Variants in SLC2A13 observed in about 807,000 individuals in gnomAD.
SLC2A13 encodes solute carrier family 2 member 13, also known as proton myo-inositol cotransporter.
In SLC2A13, 32 loss-of-function variants were observed where a neutral mutation model predicts 64.4. That is an observed-to-expected ratio of 0.50 (90% CI 0.37 to 0.67). SLC2A13 has a LOEUF of 0.67. Ranked by LOEUF, SLC2A13 falls within the 30% of genes least tolerant of loss-of-function variation. The probability of loss-of-function intolerance (pLI) is 0.00; values close to 1 mark genes in which losing one functional copy is unlikely to be tolerated. For synonymous variants in SLC2A13, 338 were observed against 327.1 expected (o/e 1.03, Z -0.36); for missense variants, 743 against 829.2 (o/e 0.90, Z 1.28).
chr12:39,770,229 A>G (rs1359899262), intron 7 of SLC2A13, among the ~76,000 whole-genome samples: 1 of 152,004 alleles, frequency 6.6e-6, no homozygotes, highest in African/African-American at 2.4e-5. Context: ...GCTCCTCAAT[A>G]GTTTATTCTG....
chr12:39,798,206 C>T (rs1264759401), intron 7 of SLC2A13, among the ~76,000 whole-genome samples: 1 of 152,204 alleles, frequency 6.6e-6, no homozygotes, highest in Non-Finnish European at 1.5e-5. Context: ...CACGAGGAAG[C>T]CACCTTGGAA....
At chr12:39,994,669 G>A (rs184125428) in intron 3 of SLC2A13, among the ~76,000 whole-genome samples, 145 of 152,230 alleles carry the variant, frequency 9.5e-4, no homozygotes, top group African/African-American at 3.3e-3. Flanking sequence ...CTACCTGGGC[G>A]TAATAAACAG....
chr12:39,772,134 C>T (rs1357757428), intron 7 of SLC2A13, among the ~76,000 whole-genome samples: 1 of 152,064 alleles, frequency 6.6e-6, no homozygotes, highest in East Asian at 1.9e-4. Flanking sequence ...TAATATACTC[C>T]TTCTTCTACG....
intron 1 of SLC2A13, among the ~76,000 whole-genome samples, chr12:40,057,629 A>G (rs993653264): frequency 6.6e-6 from 1 of 152,160 alleles, no homozygotes; most frequent in African/African-American, 2.4e-5. Flanking sequence ...TCTAAGTAAC[A>G]TATTTCTTGA....
chr12:39,984,040 G>A (rs1472599176), intron 3 of SLC2A13, among the ~76,000 whole-genome samples: 2 of 151,998 alleles, frequency 1.3e-5, no homozygotes, highest in African/African-American at 4.8e-5. Flanking sequence ...GGACATGGAT[G>A]AAATTGGAAA....
At chr12:39,768,862 G>T (rs1369849034) in intron 7 of SLC2A13, among the ~76,000 whole-genome samples, 2 of 152,058 alleles carry the variant, frequency 1.3e-5, no homozygotes, top group Non-Finnish European at 2.9e-5. Flanking sequence ...TTGATGCAGG[G>T]CTGCCAGAAA....
At chr12:39,922,023 G>A (rs1489031512) in intron 4 of SLC2A13, among the ~76,000 whole-genome samples, 2 of 152,080 alleles carry the variant, frequency 1.3e-5, no homozygotes, top group African/African-American at 2.4e-5. Context: ...CATTTGTAGG[G>A]TGACAGACAT....
intron 3 of SLC2A13, among the ~76,000 whole-genome samples, chr12:39,990,123 A>G (rs1947108583): frequency 6.6e-6 from 1 of 152,144 alleles, no homozygotes; most frequent in Non-Finnish European, 1.5e-5. Flanking sequence ...AGTAACACCT[A>G]TGGCCATGTA....
intron 7 of SLC2A13, among the ~76,000 whole-genome samples, chr12:39,813,133 C>T (rs1011520436): frequency 1.3e-5 from 2 of 150,048 alleles, no homozygotes; most frequent in South Asian, 4.3e-4. Flanking sequence ...GCGTGACCCA[C>T]TGTGCCCAGC....
chr12:39,841,245 G>A (rs764194420), intron 6 of SLC2A13, among the ~76,000 whole-genome samples: 1 of 152,138 alleles, frequency 6.6e-6, no homozygotes, highest in African/African-American at 2.4e-5. Context: ...ATTTAGCCTA[G>A]TAGCCAGAAT....
At chr12:39,994,659 C>G (rs1591989165) in intron 3 of SLC2A13, among the ~76,000 whole-genome samples, 1 of 152,136 alleles carries the variant, frequency 6.6e-6, no homozygotes, top group Non-Finnish European at 1.5e-5. Context: ...GGCTTTTCAT[C>G]TACCTGGGCG....
intron 3 of SLC2A13, among the ~76,000 whole-genome samples, chr12:39,963,432 T>A (rs28370705): frequency 2.6e-5 from 4 of 152,176 alleles, no homozygotes; most frequent in African/African-American, 9.7e-5. Context: ...TCTATACTTA[T>A]AATTTCTTTC....
At chr12:40,063,832 C>T (rs1448882099) in intron 1 of SLC2A13, among the ~76,000 whole-genome samples, 2 of 152,128 alleles carry the variant, frequency 1.3e-5, no homozygotes, top group East Asian at 3.8e-4. Context: ...CTATTTTTTA[C>T]TTTTTAAAAA....
Position 40,028,473 on chromosome 12 carries a change from T to C in SLC2A13, c.753A>G (p.Ile251Met), listed in dbSNP as rs544578794. The change falls in exon 3 of 10, where the codon ATA becomes ATG. Residue 251 changes from isoleucine to methionine, a missense_variant. Ile to Met is a conservative substitution (Grantham distance 10, BLOSUM62 1). Around this residue, in one of 2 missense-constraint regions of SLC2A13, gnomAD observed 448 missense variants for 447.4 expected, o/e 1.00. Transcript: ENST00000280871. ...MLGLAAVPAV[I>M]QFFGFLFLPE... ...GCAAAAAGAGAAAGCCAAAAAACTG[T>C]ATAACCGCCGGAACTGCTGCAAGTC... is the stretch of plus-strand genomic sequence containing the variant. The C allele has an allele frequency of 6.2e-7, 1 of 1,613,984 alleles. No individual in the cohort carries two copies. Among genetic ancestry groups the C allele is most frequent in the Non-Finnish European group, 8.5e-7 (1 of 1,179,956 alleles).
intron 7 of SLC2A13, among the ~76,000 whole-genome samples, chr12:39,794,557 C>T (rs970414139): frequency 6.6e-6 from 1 of 152,198 alleles, no homozygotes; most frequent in African/African-American, 2.4e-5. Context: ...CAGACAACCA[C>T]AGACAACTGT....
At chr12:39,893,593 G>A (rs773648785) in intron 4 of SLC2A13, among the ~76,000 whole-genome samples, 5 of 152,140 alleles carry the variant, frequency 3.3e-5, no homozygotes, top group Admixed American at 6.5e-5. Context: ...GAGCCACCAC[G>A]CCAGGCCTAC....
At chr12:39,968,882 T>C (rs993536704) in intron 3 of SLC2A13, among the ~76,000 whole-genome samples, 2 of 150,028 alleles carry the variant, frequency 1.3e-5, no homozygotes, top group Non-Finnish European at 3.0e-5. Flanking sequence ...ATGTGCCATG[T>C]TGGTGTGCTG....
intron 1 of SLC2A13, among the ~76,000 whole-genome samples, chr12:40,087,380 T>A (rs770631356): frequency 1.5e-4 from 23 of 152,308 alleles, no homozygotes; most frequent in Middle Eastern, 3.4e-3. Context: ...CTTCCATTCA[T>A]CAGTCATGGT....
chr12:39,969,233 T>C (rs1946595615), intron 3 of SLC2A13, among the ~76,000 whole-genome samples: 1 of 152,270 alleles, frequency 6.6e-6, no homozygotes, highest in Admixed American at 6.5e-5. Flanking sequence ...AAGTCTTTGC[T>C]ATTGTGAGTA....
Sources: gnomAD v4.1 joint callset for allele counts (sites outside exome capture counted in the v4.1 genomes callset) on GRCh38, gnomAD v4.1.1 for gene constraint, gnomAD v4.1.1 regional missense constraint, MANE v1.5 for transcripts, NCBI Gene and HGNC (gene_info 2026-07-23, HGNC 2026-07-21) for gene names.